Variants in ZBTB20 observed in about 807,000 individuals in gnomAD.
The protein encoded by ZBTB20 is zinc finger and BTB domain containing 20.
In ZBTB20, 9 loss-of-function variants were observed where a neutral mutation model predicts 56.9. The observed-to-expected ratio is 0.16, with a 90% CI of 0.10 to 0.28. The LOEUF is 0.28. Ranked by LOEUF, ZBTB20 falls within the 10% of genes least tolerant of loss-of-function variation. The probability of loss-of-function intolerance (pLI) is 1.00; values close to 1 mark genes in which losing one functional copy is unlikely to be tolerated. For synonymous variants in ZBTB20, 417 were observed against 420.7 expected, an observed-to-expected ratio of 0.99 and a Z score of 0.11; for missense variants, 655 against 1,003.0, an observed-to-expected ratio of 0.65 and a Z score of 4.69.
At chr3:114,555,282 T>C (rs1257017057) in intron 6 of ZBTB20, among the ~76,000 whole-genome samples, 1 of 152,128 alleles carries the variant, frequency 6.6e-6, no homozygotes, top group Non-Finnish European at 1.5e-5. Flanking sequence ...TTGATTCTTT[T>C]CGTCACTTTT....
chr3:114,862,404 TG>T (rs2075575669), intron 4 of ZBTB20, among the ~76,000 whole-genome samples: 2 of 126,252 alleles, frequency 1.6e-5, no homozygotes, highest in South Asian at 2.4e-4. Flanking sequence ...AAATGGCATC[TG>T]TTTTTTTTTT....
intron 7 of ZBTB20, among the ~76,000 whole-genome samples, chr3:114,389,989 A>G (rs953298403): frequency 6.6e-6 from 1 of 151,944 alleles, no homozygotes; most frequent in Non-Finnish European, 1.5e-5. Context: ...TATATACTAC[A>G]TTCTTATTAA....
rs189571171 is a variant in ZBTB20, at chr3:114,896,844, T to C, written c.-417+3460A>G. On this transcript the variant is annotated intron_variant, in intron 4 of 11. Transcript: ENST00000675478. The stretch of plus-strand genomic sequence containing the variant: ...TCACATGAAGGTCTTTTAGATTCAG[T>C]ACATTGCTTCATGATTTTTATAATA... 3.3e-5 allele frequency among the ~76,000 whole-genome samples: 5 copies of C among 152,234 alleles called. No homozygotes were observed. The East Asian group carries it at 9.6e-4, about 29-fold the overall frequency.
At chr3:115,144,184 A>G (rs2084900037) in intron 1 of ZBTB20, among the ~76,000 whole-genome samples, 1 of 152,166 alleles carries the variant, frequency 6.6e-6, no homozygotes, top group Non-Finnish European at 1.5e-5. Flanking sequence ...CTTGCCACTG[A>G]TTCTGTGAAG....
At chr3:114,635,080 T>G (rs1373258872) in intron 6 of ZBTB20, among the ~76,000 whole-genome samples, 2 of 152,190 alleles carry the variant, frequency 1.3e-5, no homozygotes, top group African/African-American at 4.8e-5. Flanking sequence ...CAGTTTCCAT[T>G]TCACCTTGTA....
chr3:115,141,200 T>C (rs190556381), intron 1 of ZBTB20, among the ~76,000 whole-genome samples: 71 of 152,284 alleles, frequency 4.7e-4, no homozygotes, highest in Non-Finnish European at 8.7e-4. Flanking sequence ...CTGTTTTGTG[T>C]ATGACTTCAC....
At chr3:114,464,762 T>C (rs751973269) in intron 7 of ZBTB20, among the ~76,000 whole-genome samples, 6 of 151,890 alleles carry the variant, frequency 4.0e-5, no homozygotes, top group Non-Finnish European at 7.4e-5. Flanking sequence ...CCTGAGGCCA[T>C]TGTAGACCAG....
At chr3:114,462,418 G>C (rs1469316929) in intron 7 of ZBTB20, among the ~76,000 whole-genome samples, 1 of 152,198 alleles carries the variant, frequency 6.6e-6, no homozygotes, top group Non-Finnish European at 1.5e-5. Flanking sequence ...GCAGAATTTA[G>C]TGACAGCTTT....
intron 4 of ZBTB20, among the ~76,000 whole-genome samples, chr3:114,833,957 T>C (rs2073989307): frequency 6.6e-6 from 1 of 152,150 alleles, no homozygotes; most frequent in Non-Finnish European, 1.5e-5. Flanking sequence ...ACTTTGAACA[T>C]AGACATCCTG....
chr3:115,097,091 C>T (rs139916992), intron 1 of ZBTB20, among the ~76,000 whole-genome samples: 2 of 152,188 alleles, frequency 1.3e-5, no homozygotes, highest in African/African-American at 4.8e-5. Context: ...TAGTGATTCT[C>T]CTCTTAAGTT....
intron 5 of ZBTB20, among the ~76,000 whole-genome samples, chr3:114,712,134 A>G (rs1164964006): frequency 6.6e-6 from 1 of 152,220 alleles, no homozygotes; most frequent in Non-Finnish European, 1.5e-5. Flanking sequence ...AAATCATGCC[A>G]GCTAACATAT....
At chr3:114,618,511 GC>G (rs1296589538) in intron 6 of ZBTB20, among the ~76,000 whole-genome samples, 1 of 152,064 alleles carries the variant, frequency 6.6e-6, no homozygotes, top group Non-Finnish European at 1.5e-5. Context: ...TCCTGCCTTG[GC>G]CTTTCAAACT....
intron 1 of ZBTB20, among the ~76,000 whole-genome samples, chr3:115,120,309 C>T (rs1395070534): frequency 2.6e-5 from 4 of 152,098 alleles, no homozygotes; most frequent in African/African-American, 7.2e-5. Context: ...GTATCTTATG[C>T]TCAAATTTGC....
intron 10 of ZBTB20, among the ~76,000 whole-genome samples, chr3:114,360,358 T>TTTTTTGAGAC (rs1553798291): frequency 4.0e-5 from 6 of 150,564 alleles, no homozygotes; most frequent in Non-Finnish European, 5.9e-5. Flanking sequence ...TTTTTTTTTT[T>TTTTTTGAGAC]TTTGAGACGG....
intron 2 of ZBTB20, among the ~76,000 whole-genome samples, chr3:115,068,919 C>T (rs1291845085): frequency 6.6e-6 from 1 of 151,768 alleles, no homozygotes; most frequent in Admixed American, 6.6e-5. Context: ...TGCATTCATT[C>T]TTATGCCTCC....
At chr3:115,057,760 T>G (rs2081860007) in intron 2 of ZBTB20, among the ~76,000 whole-genome samples, 1 of 152,196 alleles carries the variant, frequency 6.6e-6, no homozygotes, top group Admixed American at 6.5e-5. Context: ...TTTCAGCTTT[T>G]ATGTCCCCAA....
chr3:115,009,389 C>G (rs1027573124), intron 2 of ZBTB20, among the ~76,000 whole-genome samples: 1 of 151,878 alleles, frequency 6.6e-6, no homozygotes, highest in East Asian at 1.9e-4. Context: ...AGCCCAGGTG[C>G]TTAGTTTCTC....
intron 10 of ZBTB20, 119 bp from the exon 11 acceptor site, chr3:114,351,997 T>G (rs2080716786): frequency 1.9e-5 from 25 of 1,283,698 alleles, no homozygotes; most frequent in Non-Finnish European, 2.7e-5. Flanking sequence ...TGCCCTTACA[T>G]ACGCAAGTGG....
At chr3:114,701,036 T>A (rs2063359310) in intron 5 of ZBTB20, among the ~76,000 whole-genome samples, 3 of 152,206 alleles carry the variant, frequency 2.0e-5, no homozygotes, top group African/African-American at 7.2e-5. Context: ...GGGTAGTTAA[T>A]CAATGAGCTT....
Sources: gnomAD v4.1 joint callset for allele counts (sites outside exome capture counted in the v4.1 genomes callset) on GRCh38, gnomAD v4.1.1 for gene constraint, MANE v1.5 for transcripts, NCBI Gene and HGNC (gene_info 2026-07-23, HGNC 2026-07-21) for gene names.